Variants in MTG2 observed in about 807,000 individuals in gnomAD.
The protein encoded by MTG2 is mitochondrial ribosome associated GTPase 2, also known as mitochondrial ribosome-associated GTPase 2.
In MTG2, 23 loss-of-function variants were observed where a neutral mutation model predicts 28.6. The observed-to-expected ratio is 0.80, with a 90% confidence interval of 0.58 to 1.14. MTG2 has a LOEUF of 1.14. Among genes scored for constraint, MTG2 ranks in the 50% most tolerant of loss-of-function variants. The pLI, the probability that MTG2 is intolerant of heterozygous loss-of-function variation, is 0.00. For missense variants in MTG2, 539 were observed against 552.0 expected, an observed-to-expected ratio of 0.98 and a Z score of 0.24; for synonymous variants, 260 against 251.8, an observed-to-expected ratio of 1.03 and a Z score of -0.31.
rs758995203 is a variant in MTG2, at chr20:62,195,823, C to T, written c.226C>T (p.Arg76Trp). ...GTAGAAAAGGTACTTTGTGGACTAT[C>T]GGAGAGTGCTTGTCTGTGGAGGAAA... ...KKLKRYFVDYRRVLVCGGNGG... is the reference protein window; with the variant it reads ...KKLKRYFVDYWRVLVCGGNGG... Residue 76 changes from arginine to tryptophan, a missense_variant, in exon 3 of 7, where the codon CGG becomes TGG. By Grantham distance (101) the Arg-to-Trp change is moderately radical (BLOSUM62 -3). Coordinates refer to ENST00000370823, the MANE Select transcript of MTG2 (RefSeq NM_015666.4). The T allele has an allele frequency of 2.9e-5, 46 of 1,614,036 alleles. No individual in the cohort carries two copies. The highest frequency in any genetic ancestry group is 1.5e-4 in the Admixed American group (9 of 60,004).
intron 1 of MTG2, among the ~76,000 whole-genome samples, chr20:62,183,351 C>T (rs527484703): frequency 6.6e-6 from 1 of 152,210 alleles, no homozygotes; most frequent in Non-Finnish European, 1.5e-5. Flanking sequence ...TGTCAGCCAC[C>T]CCGGTGGTGC....
intron 1 of MTG2, among the ~76,000 whole-genome samples, chr20:62,184,105 T>C (rs2057783595): frequency 6.6e-6 from 1 of 152,360 alleles, no homozygotes; most frequent in Non-Finnish European, 1.5e-5. Context: ...ACGCCTGTAA[T>C]CCCAGAACTT....
chr20:62,193,823 G>A (rs1461310129), intron 2 of MTG2, 199 bp downstream of exon 2: 17 of 592,180 alleles, frequency 2.9e-5, no homozygotes, highest in Non-Finnish European at 4.7e-5. Flanking sequence ...ATCCCAGCAG[G>A]CTGGGAGAGG....
chr20:62,195,759 C>T, intron 2 of MTG2, 43 bp from the exon 3 acceptor site: 2 of 1,611,906 alleles, frequency 1.2e-6, no homozygotes, highest in Non-Finnish European at 1.7e-6. Context: ...TTGAAAGGAC[C>T]TTGGAGTGTT....
chr20:62,197,940 G>T lies in MTG2; in HGVS notation c.441G>T (p.Gly147=), dbSNP rs777507826. ...ATGGAGGGAGTAAAAACTGCTTCGG[G>T]CGCAGTGGCGCCGTCCTCTACATCC... is the stretch of plus-strand genomic sequence containing the variant. ...GEDGGSKNCF[G]RSGAVLYIRV... The change falls in exon 4 of 7, where the codon GGG becomes GGT. Residue 147 remains glycine (G), a synonymous_variant. Transcript: ENST00000370823. 1.2e-6 allele frequency: 2 copies of T among 1,614,150 alleles called. No homozygotes were observed. Among genetic ancestry groups the T allele is most frequent in the African/African-American group, 2.7e-5 (2 of 75,076 alleles).
At position 62,203,527 on chromosome 20, in the gene MTG2, G is replaced by A. The variant is rs907499989; in HGVS notation, c.*2450G>A. On this transcript the variant is annotated 3_prime_UTR_variant, in exon 7 of 7. Coordinates refer to ENST00000370823, the MANE Select transcript of MTG2 (RefSeq NM_015666.4). ...TTTTGTCAGTCTGCTTTTCAAATGG[G>A]ATATATGATTCACATACCATAAAAT... The A allele has an allele frequency of 6.6e-6, 1 of 152,176 alleles. No homozygotes were observed. The highest frequency in any genetic ancestry group is 6.5e-5 in the Admixed American group (1 of 15,282). The allele number at this position is 152,176 out of a possible 1,614,324, so 9.4% of individuals were successfully genotyped here.
intron 1 of MTG2, among the ~76,000 whole-genome samples, chr20:62,191,290 G>T (rs897318859): frequency 2.6e-5 from 4 of 152,134 alleles, no homozygotes; most frequent in African/African-American, 9.7e-5. Flanking sequence ...TTCCTACAGG[G>T]AGAGGCACTG....
chr20:62,201,026 C>T lies in MTG2; in HGVS notation c.1170C>T (p.Asp390=), dbSNP rs146888379. 5.7e-5 allele frequency: 92 copies of T among 1,611,142 alleles called. 1 individual carries two copies. The highest frequency in any genetic ancestry group is 2.0e-4 in the African/African-American group (15 of 75,066). ...TGTTGCACCTGAAGGTGCTGTATGA[C>T]GCCTACGCGGAGGCCGAGCTGGGCC... is the stretch of plus-strand genomic sequence containing the variant. ...QLLLHLKVLY[D]AYAEAELGQG... The change falls in exon 7 of 7, where the codon GAC becomes GAT. Residue 390 remains aspartate (D), a synonymous_variant. Coordinates refer to ENST00000370823, the MANE Select transcript of MTG2 (RefSeq NM_015666.4).
intron 1 of MTG2, among the ~76,000 whole-genome samples, chr20:62,189,697 G>A (rs533400564): frequency 2.3e-5 from 3 of 129,330 alleles, no homozygotes; most frequent in African/African-American, 8.9e-5. Flanking sequence ...ATGGAGTCTC[G>A]CTCTGTCTTC....
At chr20:62,197,587 A>G (rs936483696) in intron 3 of MTG2, 4 of 383,152 alleles carry the variant, frequency 1.0e-5, no homozygotes, top group African/African-American at 8.3e-5. Context: ...GCGAGCTGGG[A>G]GTGAAGCCTT....
intron 1 of MTG2, among the ~76,000 whole-genome samples, chr20:62,190,029 A>G (rs1313279930): frequency 6.6e-6 from 1 of 151,898 alleles, no homozygotes; most frequent in Non-Finnish European, 1.5e-5. Flanking sequence ...TTTGTTTCCT[A>G]TTTGTCCCCT....
At chr20:62,190,076 G>T (rs1601088230) in intron 1 of MTG2, among the ~76,000 whole-genome samples, 1 of 152,252 alleles carries the variant, frequency 6.6e-6, no homozygotes, top group East Asian at 1.9e-4. Flanking sequence ...CTTTGGAATT[G>T]TTGGGCTAGT....
chr20:62,186,675 C>T (rs568344069), intron 1 of MTG2, among the ~76,000 whole-genome samples: 1 of 151,966 alleles, frequency 6.6e-6, no homozygotes, highest in African/African-American at 2.4e-5. Flanking sequence ...ACTACAGGCA[C>T]GTGCCACCAC....
At position 62,201,354 on chromosome 20, in the gene MTG2, G is replaced by C. The variant is rs2058167418; in HGVS notation, c.*277G>C. On this transcript the variant is annotated 3_prime_UTR_variant, in exon 7 of 7. Coordinates refer to ENST00000370823, the MANE Select transcript of MTG2 (RefSeq NM_015666.4). ...ATTAACACCCCTAATAAGGGGTTGG[G>C]GTGCCCATAACGGGGTGGCCCTGCC... is the stretch of plus-strand genomic sequence containing the variant. 1 of 474,398 alleles carries C rather than the reference G, an allele frequency of 2.1e-6. No individual in the cohort carries two copies. Among genetic ancestry groups the C allele is most frequent in the Admixed American group, 3.9e-5 (1 of 25,644 alleles). The allele number at this position is 474,398 out of a possible 1,614,324, so 29.4% of individuals were successfully genotyped here. A position where few individuals can be genotyped will look rare whatever the true frequency, so the allele number is the denominator to read the frequency against.
chr20:62,201,250 C>A lies in MTG2; in HGVS notation c.*173C>A. 1.3e-6 allele frequency: 1 copy of A among 765,488 alleles called. No homozygotes were observed. Among genetic ancestry groups the A allele is most frequent in the Non-Finnish European group, 2.0e-6 (1 of 491,588 alleles). 47.4% of individuals were successfully genotyped at this position (765,488 alleles called of 1,614,324 possible). A position where few individuals can be genotyped will look rare whatever the true frequency, so the allele number is the denominator to read the frequency against. ...CCTCATGTTGGGAAGCATTCCGTGC[C>A]CCCTACCCCGCCTGCCCTCCGTATT... On this transcript the variant is annotated 3_prime_UTR_variant, in exon 7 of 7. Transcript: ENST00000370823.
rs776707348 is a variant in MTG2 at position 62,202,301 on chromosome 20, C to T, written c.*1224C>T. On this transcript the variant is annotated 3_prime_UTR_variant, in exon 7 of 7. Transcript: ENST00000370823. Reference sequence around the variant, plus strand: ...GCCTCTGACATGTCCCTGAGGGGCCCCTAAGAAAGAAAGTGGAGGGGACAC... The same window carrying T: ...GCCTCTGACATGTCCCTGAGGGGCCTCTAAGAAAGAAAGTGGAGGGGACAC... 1 of 152,334 alleles carries T rather than the reference C, an allele frequency of 6.6e-6. No individual in the cohort carries two copies. The highest frequency in any genetic ancestry group is 1.5e-5 in the Non-Finnish European group (1 of 68,154). 9.4% of individuals were successfully genotyped at this position (152,334 alleles called of 1,614,324 possible).
intron 2 of MTG2, among the ~76,000 whole-genome samples, 165 bp from the exon 3 acceptor site, chr20:62,195,635 CTG>C (rs1208887657): frequency 6.6e-6 from 1 of 152,174 alleles, no homozygotes; most frequent in Non-Finnish European, 1.5e-5. Context: ...CTTGTGGAGA[CTG>C]TTTTTTATCT....
At chr20:62,192,337 G>T (rs371746480) in intron 1 of MTG2, among the ~76,000 whole-genome samples, 22 of 152,216 alleles carry the variant, frequency 1.4e-4, no homozygotes, top group Non-Finnish European at 2.6e-4. Context: ...ATGCCACAGC[G>T]GGCACAGGCA....
intron 1 of MTG2, among the ~76,000 whole-genome samples, chr20:62,185,574 T>C (rs1458872133): frequency 1.3e-5 from 2 of 152,000 alleles, no homozygotes; most frequent in African/African-American, 2.4e-5. Flanking sequence ...GAGGCGAAGG[T>C]TGCAGTGAGG....
Sources: gnomAD v4.1 joint callset for allele counts (sites outside exome capture counted in the v4.1 genomes callset) on GRCh38, gnomAD v4.1.1 for gene constraint, MANE v1.5 for transcripts, NCBI Gene and HGNC (gene_info 2026-07-23, HGNC 2026-07-21) for gene names.